The following IFT172 variants were observed in gnomAD, a reference collection of about 807,000 sequenced individuals.
The protein encoded by IFT172 is intraflagellar transport 172.
In IFT172, 164 loss-of-function variants were observed where a neutral mutation model predicts 248.9. The observed-to-expected ratio is 0.66, with a 90% CI of 0.58 to 0.75. The LOEUF (loss-of-function observed/expected upper bound fraction) is 0.75, where lower values mean the gene tolerates loss of function less well. Among genes scored for constraint, IFT172 ranks in the 30% least tolerant of loss-of-function variants. IFT172 has a pLI of 0.00. For missense variants in IFT172, 1,950 were observed against 2,192.4 expected (o/e 0.89, Z 2.21); for synonymous variants, 729 against 791.6 (o/e 0.92, Z 1.33).
rs753093568 is a variant in IFT172 at position 27,456,502 on chromosome 2, G to A, written c.3371+9C>T. The A allele has an allele frequency of 3.7e-6, 6 of 1,611,084 alleles. No homozygotes were observed. Among genetic ancestry groups the A allele is most frequent in the African/African-American group, 1.3e-5 (1 of 74,914 alleles). ...ATGGGGCCCGTGGAGAGAAAGCTTG[G>A]GGCCTCACCAATTGTCTGCAGCGTG... On this transcript the variant is annotated intron_variant, in intron 30 of 47. Transcript: ENST00000260570.
chr2:27,482,123 CG>C (rs939527194), intron 7 of IFT172, among the ~76,000 whole-genome samples: 2 of 151,624 alleles, frequency 1.3e-5, no homozygotes, highest in African/African-American at 4.8e-5. Context: ...GCTGGGATTC[CG>C]GGCACGTTCC....
intron 35 of IFT172, 32 bp from the exon 36 acceptor site, chr2:27,450,128 A>G (rs767271355): frequency 1.3e-6 from 2 of 1,520,752 alleles, no homozygotes; most frequent in East Asian, 2.3e-5. Context: ...GGAAATGGGT[A>G]GGAGAGACAA....
intron 47 of IFT172, among the ~76,000 whole-genome samples, 162 bp downstream of exon 47, chr2:27,444,852 T>C (rs1028449352): frequency 1.3e-5 from 2 of 152,216 alleles, no homozygotes; most frequent in Non-Finnish European, 2.9e-5. Flanking sequence ...TTTAACCATG[T>C]TGGCCAGGCT....
chr2:27,453,789 CCCA>C, intron 33 of IFT172, 50 bp from the exon 34 acceptor site: 1 of 1,528,846 alleles, frequency 6.5e-7, no homozygotes, highest in Non-Finnish European at 9.0e-7. Flanking sequence ...CTGACAGCTT[CCCA>C]CTGCCACACA....
intron 16 of IFT172, among the ~76,000 whole-genome samples, chr2:27,468,284 G>A (rs1215542040): frequency 6.6e-6 from 1 of 151,802 alleles, no homozygotes; most frequent in Non-Finnish European, 1.5e-5. Context: ...TCAGGCTGGA[G>A]TGCAGTGGTA....
chr2:27,476,449 T>C lies in IFT172; in HGVS notation c.1411+192A>G, dbSNP rs539116187. The stretch of plus-strand genomic sequence containing the variant: ...TGCCTGGACTGAACCTTTGTTTTTA[T>C]ATCTAGATATCCAGGTACAGATGCA... On this transcript the variant is annotated intron_variant, in intron 14 of 47. Coordinates refer to ENST00000260570, the MANE Select transcript of IFT172 (RefSeq NM_015662.3). Among the ~76,000 whole-genome samples the C allele has an allele frequency of 3.3e-5, 5 of 152,294 alleles. No homozygotes were observed. In the South Asian group the frequency reaches 1.0e-3, roughly 32 times the overall value.
At chr2:27,448,020 T>A in intron 40 of IFT172, 98 bp from the exon 41 acceptor site, 1 of 751,946 alleles carries the variant, frequency 1.3e-6, no homozygotes, top group South Asian at 1.4e-5. Context: ...GCTTTGTGTG[T>A]AGAAATGGGT....
chr2:27,458,226 G>A lies in IFT172; in HGVS notation c.2878-3C>T. ...GGTCTCATGCATTTCATCGCCAGCT[G>A]TGGAGGCACAGAGGCAAGGCAGCCT... On this transcript the variant is annotated splice_region_variant and splice_polypyrimidine_tract_variant and intron_variant, in intron 26 of 47. Coordinates refer to ENST00000260570, the MANE Select transcript of IFT172 (RefSeq NM_015662.3). 2 of 1,613,724 alleles carry A rather than the reference G, an allele frequency of 1.2e-6. No homozygotes were observed. The highest frequency in any genetic ancestry group is 1.7e-6 in the Non-Finnish European group (2 of 1,179,630).
chr2:27,474,297 A>G (rs946660958), intron 14 of IFT172, among the ~76,000 whole-genome samples: 4 of 152,190 alleles, frequency 2.6e-5, no homozygotes, highest in East Asian at 1.9e-4. Flanking sequence ...GAAATGTGCA[A>G]CTATTTTAAG....
intron 1 of IFT172, 70 bp from the exon 2 acceptor site, chr2:27,485,573 T>G (rs1668701605): frequency 6.4e-7 from 1 of 1,561,914 alleles, no homozygotes; most frequent in South Asian, 1.1e-5. Flanking sequence ...TCTAGCTTCA[T>G]TAATTCTAGT....
chr2:27,469,726 G>T (rs1241043465), intron 16 of IFT172, among the ~76,000 whole-genome samples: 1 of 152,172 alleles, frequency 6.6e-6, no homozygotes, highest in East Asian at 1.9e-4. Flanking sequence ...CAGCTACTTG[G>T]GATGCTGAGG....
At chr2:27,476,886 G>A in intron 13 of IFT172, 160 bp from the exon 14 acceptor site, 1 of 612,340 alleles carries the variant, frequency 1.6e-6, no homozygotes, top group East Asian at 2.8e-5. Context: ...GCAGTGGTGT[G>A]ATCACGGCTC....
rs777877739 is a variant in IFT172 at position 27,449,739 on chromosome 2, C to T, written c.4112G>A (p.Gly1371Asp). Residue 1371 changes from glycine to aspartate, a missense_variant, in exon 37 of 48, where the codon GGT (glycine) becomes GAT (aspartate). Physicochemically the swap from Gly to Asp is moderately conservative, Grantham distance 94 (BLOSUM62 -1). This residue lies in a region of IFT172 where 620 missense variants were observed against 699.0 expected (regional missense o/e 0.89). Coordinates refer to ENST00000260570, the MANE Select transcript of IFT172 (RefSeq NM_015662.3). ...ACGCTTCGCCTTGTTCCACTCCTCACCCTCGATGAAAGCATCGATTGCTTC... is the reference window on the plus strand; with the variant it reads ...ACGCTTCGCCTTGTTCCACTCCTCATCCTCGATGAAAGCATCGATTGCTTC... ...VKEAIDAFIEGEEWNKAKRVA... is the reference protein window; with the variant it reads ...VKEAIDAFIEDEEWNKAKRVA... The T allele has an allele frequency of 6.2e-7, 1 of 1,614,150 alleles. No homozygotes were observed. The highest frequency in any genetic ancestry group is 8.5e-7 in the Non-Finnish European group (1 of 1,179,990).
intron 7 of IFT172, among the ~76,000 whole-genome samples, chr2:27,482,385 C>A (rs981683949): frequency 3.9e-5 from 6 of 152,084 alleles, no homozygotes; most frequent in Admixed American, 3.9e-4. Flanking sequence ...CTCTGCCTCC[C>A]AGGTTCAAGC....
rs1167583761 is a variant in IFT172, at chr2:27,477,987, G to C, written c.1167+8C>G. The C allele has an allele frequency of 1.2e-6, 2 of 1,613,794 alleles. No individual in the cohort carries two copies. The highest frequency in any genetic ancestry group is 1.3e-5 in the African/African-American group (1 of 74,842). ...ATTCCCCACCCTACCCTCAATTTTG[G>C]TTCCTACCTCACTAAGCCGATTAGT... On this transcript the variant is annotated splice_region_variant and intron_variant, in intron 11 of 47. Transcript: ENST00000260570.
chr2:27,465,602 G>A (rs1372109615), intron 17 of IFT172, 84 bp from the exon 18 acceptor site: 4 of 1,534,862 alleles, frequency 2.6e-6, no homozygotes, highest in African/African-American at 1.4e-5. Flanking sequence ...GGCAAGGGGA[G>A]GGGGAAGGGC....
In IFT172 at chr2:27,465,342, A is replaced by G. The variant is rs1448321818; in HGVS notation, c.1937+69T>C. The G allele has an allele frequency of 2.1e-5, 28 of 1,316,346 alleles. No homozygotes were observed. In the East Asian group the frequency reaches 6.4e-4, roughly 30 times the overall value. 81.5% of individuals were successfully genotyped at this position (1,316,346 alleles called of 1,614,324 possible). A position where few individuals can be genotyped will look rare whatever the true frequency, so the allele number is the denominator to read the frequency against. The stretch of plus-strand genomic sequence containing the variant: ...CCTTAACACCGGATTGGAGTAGCCC[A>G]CAGGGAAAATACTCATGTGATTATC... On this transcript the variant is annotated intron_variant, in intron 18 of 47. Coordinates refer to ENST00000260570, the MANE Select transcript of IFT172 (RefSeq NM_015662.3).
Position 27,465,418 on chromosome 2 carries a change from C to A in IFT172, c.1930G>T (p.Ala644Ser). The change falls in exon 18 of 48, where the codon GCG becomes TCG. Residue 644 changes from alanine to serine, a missense_variant. By Grantham distance (99) the Ala-to-Ser change is moderately conservative. Transcript: ENST00000260570. The part of the protein sequence containing the change: ...LALEARQLHI[A>S]ERCFSALGQV... Reference sequence around the variant, plus strand: ...TCTACATGTCTACCTCACCTCTCCGCAATGTGTAGTTGCCTTGCCTCTAGT... The same window carrying A: ...TCTACATGTCTACCTCACCTCTCCGAAATGTGTAGTTGCCTTGCCTCTAGT... The A allele has an allele frequency of 6.2e-7, 1 of 1,613,948 alleles. No homozygotes were observed. Among genetic ancestry groups the A allele is most frequent in the Non-Finnish European group, 8.5e-7 (1 of 1,179,824 alleles).
intron 34 of IFT172, 24 bp from the exon 35 acceptor site, chr2:27,453,537 C>G (rs757718443): frequency 5.6e-6 from 9 of 1,612,496 alleles, no homozygotes; most frequent in Non-Finnish European, 7.6e-6. Flanking sequence ...AGCGCTGGGA[C>G]TTGGCATGGT....
Sources: gnomAD v4.1 joint callset for allele counts (sites outside exome capture counted in the v4.1 genomes callset) on GRCh38, gnomAD v4.1.1 for gene constraint, gnomAD v4.1.1 regional missense constraint, MANE v1.5 for transcripts, NCBI Gene and HGNC (gene_info 2026-07-23, HGNC 2026-07-21) for gene names.